Variants in STIP1 observed in about 807,000 individuals in gnomAD.
STIP1 encodes the protein stress induced phosphoprotein 1.
Under a neutral mutation model 77.4 loss-of-function variants are expected in STIP1, and 16 were observed. That is an observed-to-expected ratio of 0.21 (90% confidence interval 0.14 to 0.31). The LOEUF is 0.31. Ranked by LOEUF, STIP1 falls within the 10% of genes least tolerant of loss-of-function variation. STIP1 has a pLI of 1.00. For synonymous variants in STIP1, 258 were observed against 246.6 expected (o/e 1.05, Z -0.44); for missense variants, 524 against 684.8 (o/e 0.77, Z 2.62).
Position 64,204,105 on chromosome 11 carries a change from G to A in STIP1, c.1611G>A (p.Val537=). ...AGAAGATCCAGAAGCTGATGGATGT[G>A]GGTCTGATTGCAATTCGGTGATGAC... The part of the protein sequence containing the change: ...IAQKIQKLMD[V]GLIAIR Residue 537 remains valine, a synonymous_variant, in exon 14 of 14, where the codon GTG becomes GTA. Transcript: ENST00000305218. The A allele has an allele frequency of 6.2e-7, 1 of 1,614,220 alleles. No individual in the cohort carries two copies.
chr11:64,203,914 T>A, intron 13 of STIP1, 140 bp from the exon 14 acceptor site: 1 of 1,022,830 alleles, frequency 9.8e-7, no homozygotes, highest in Non-Finnish European at 1.5e-6. Context: ...AGCAGGCCTC[T>A]GCAGCTCGGC....
chr11:64,187,941 T>G (rs1946044289), intron 1 of STIP1, among the ~76,000 whole-genome samples: 1 of 150,034 alleles, frequency 6.7e-6, no homozygotes, highest in Non-Finnish European at 1.5e-5. Context: ...GGGGGCAGCT[T>G]GCAGTGAGCC....
At chr11:64,189,100 C>A (rs1226862585) in intron 1 of STIP1, among the ~76,000 whole-genome samples, 3 of 152,224 alleles carry the variant, frequency 2.0e-5, no homozygotes, top group Non-Finnish European at 2.9e-5. Flanking sequence ...TGCTGGCTCA[C>A]GCCTGTAATC....
chr11:64,194,893 T>C (rs951701014), intron 4 of STIP1, among the ~76,000 whole-genome samples: 1 of 152,174 alleles, frequency 6.6e-6, no homozygotes, highest in African/African-American at 2.4e-5. Flanking sequence ...ATCCTTTCCA[T>C]CTACTTAGGC....
intron 10 of STIP1, among the ~76,000 whole-genome samples, chr11:64,201,516 G>T (rs1410830170): frequency 6.6e-6 from 1 of 152,176 alleles, no homozygotes; most frequent in Non-Finnish European, 1.5e-5. Flanking sequence ...CAGCCACCCT[G>T]CCTCTATCAG....
At chr11:64,186,063 G>A (rs541196030), upstream of STIP1, 70 of 1,547,282 alleles carry the variant, frequency 4.5e-5, no homozygotes, top group Admixed American at 8.1e-4. Context: ...GAAGGAAGTG[G>A]AGATGATGGG....
intron 1 of STIP1, among the ~76,000 whole-genome samples, chr11:64,192,714 T>C (rs1946106382): frequency 6.6e-6 from 1 of 152,230 alleles, no homozygotes; most frequent in South Asian, 2.1e-4. Context: ...GTGCTCTGTT[T>C]GTCATTTGGA....
Position 64,197,576 on chromosome 11 carries a change from G to C in STIP1, c.883G>C (p.Asp295His). ...TGAAGTGGGGAGAGAAAACCGAGAA[G>C]ACTATCGACAGATTGCCAAGTAGGC... ...AIEVGRENRE[D>H]YRQIAKAYAR... The change falls in exon 7 of 14, where the codon GAC becomes CAC. Residue 295 changes from aspartate to histidine, a missense_variant. Coordinates refer to ENST00000305218, the MANE Select transcript of STIP1 (RefSeq NM_006819.3). The C allele has an allele frequency of 6.2e-7, 1 of 1,614,184 alleles. No homozygotes were observed. Among genetic ancestry groups the C allele is most frequent in the South Asian group, 1.1e-5 (1 of 91,084 alleles).
At position 64,203,294 on chromosome 11, in the gene STIP1, C is replaced by A; in HGVS notation, c.1386+66C>A. ...TTCTCTGTTGGGGCTTTTCCATGTTCAGTCCCTGATTTCTTCCCTGTCACC... is the reference window on the plus strand; with the variant it reads ...TTCTCTGTTGGGGCTTTTCCATGTTAAGTCCCTGATTTCTTCCCTGTCACC... On this transcript the variant is annotated intron_variant, in intron 12 of 13. Coordinates refer to ENST00000305218, the MANE Select transcript of STIP1 (RefSeq NM_006819.3). The A allele has an allele frequency of 2.5e-6, 4 of 1,592,984 alleles. 1 individual carries two copies. In the South Asian group the frequency reaches 3.3e-5, roughly 13 times the overall value.
chr11:64,201,757 T>G (rs1170815355), intron 10 of STIP1, among the ~76,000 whole-genome samples: 1 of 152,224 alleles, frequency 6.6e-6, no homozygotes, highest in East Asian at 1.9e-4. Context: ...TAGCAGGTTG[T>G]CAATCACCTG....
chr11:64,193,792 AAAGG>A (rs1001990656), intron 2 of STIP1, among the ~76,000 whole-genome samples: 1 of 152,150 alleles, frequency 6.6e-6, no homozygotes, highest in Admixed American at 6.5e-5. Context: ...TCTCAAAAAA[AAAGG>A]AAGAGGCCCG....
At chr11:64,202,625 T>C in intron 10 of STIP1, 1 of 546,546 alleles carries the variant, frequency 1.8e-6, no homozygotes, top group Non-Finnish European at 3.3e-6. Context: ...TGTCTAGTTG[T>C]CATGTACTCT....
intron 1 of STIP1, among the ~76,000 whole-genome samples, chr11:64,191,885 C>T (rs1946096452): frequency 6.6e-6 from 1 of 152,124 alleles, no homozygotes; most frequent in Admixed American, 6.6e-5. Context: ...AACAGAGGCA[C>T]ACCTCACTTG....
At chr11:64,202,751 C>T (rs751372651) in intron 10 of STIP1, 125 bp from the exon 11 acceptor site, 1 of 1,041,060 alleles carries the variant, frequency 9.6e-7, no homozygotes. Context: ...GTTGTCTTTC[C>T]TGATGTTGTC....
Position 64,197,500 on chromosome 11 carries a change from C to G in STIP1, c.807C>G (p.Tyr269Ter), listed in dbSNP as rs755943557. Residue 269 changes from tyrosine to a stop codon, truncating the protein, a stop_gained, in exon 7 of 14, where the codon TAC (tyrosine) becomes TAG (stop). Coordinates refer to ENST00000305218, the MANE Select transcript of STIP1 (RefSeq NM_006819.3). LOFTEE classifies it high-confidence loss of function. ...AACCATCCTGCCTGGCAGCGGTATA[C>G]TTTGAAAAGGGCGACTACAATAAGT... ...MTYITNQAAV[Y>*]FEKGDYNKCR... 6.2e-7 allele frequency: 1 copy of G among 1,614,138 alleles called. No homozygotes were observed. The highest frequency in any genetic ancestry group is 8.5e-7 in the Non-Finnish European group (1 of 1,180,042).
At chr11:64,203,695 G>C in intron 13 of STIP1, 73 bp downstream of exon 13, 6 of 1,582,780 alleles carry the variant, frequency 3.8e-6, no homozygotes, top group East Asian at 2.3e-5. Context: ...ACGCGGCTGG[G>C]GGGTGGTATG....
rs1185930163 is a variant in STIP1 at position 64,197,333 on chromosome 11, G to A, written c.735G>A (p.Leu245=). 2 of 1,613,954 alleles carry A rather than the reference G, an allele frequency of 1.2e-6. No individual in the cohort carries two copies. Among genetic ancestry groups the A allele is most frequent in the Admixed American group, 1.7e-5 (1 of 59,958 alleles). The change falls in exon 6 of 14, where the codon TTG becomes TTA. Residue 245 remains leucine, a synonymous_variant. Coordinates refer to ENST00000305218, the MANE Select transcript of STIP1 (RefSeq NM_006819.3). ...AYKKKDFDTA[L]KHYDKAKELD... is the part of the protein sequence containing the mutation. ...AGAAGAAAGACTTTGACACAGCCTT[G>A]AAGCATTACGACAAAGCCAAGGAGC...
intron 11 of STIP1, 34 bp from the exon 12 acceptor site, chr11:64,203,091 C>T (rs186437803): frequency 7.8e-5 from 126 of 1,611,422 alleles, no homozygotes; most frequent in East Asian, 4.2e-4. Context: ...TTGGGCGCTG[C>T]GGTTGGATAA....
In STIP1 at chr11:64,197,347, A is replaced by G. The variant is rs1443743161; in HGVS notation, c.749A>G (p.Lys250Arg). 1.2e-6 allele frequency: 2 copies of G among 1,614,046 alleles called. No individual in the cohort carries two copies. Among genetic ancestry groups the G allele is most frequent in the East Asian group, 2.2e-5 (1 of 44,870 alleles). ...GACACAGCCTTGAAGCATTACGACAAAGCCAAGGAGCTGGACCCCACTAAC... is the reference window on the plus strand; with the variant it reads ...GACACAGCCTTGAAGCATTACGACAGAGCCAAGGAGCTGGACCCCACTAAC... ...DFDTALKHYD[K>R]AKELDPTNMT... The change falls in exon 6 of 14, where the codon AAA becomes AGA. Residue 250 changes from lysine (K) to arginine (R), a missense_variant. By Grantham distance (26) the Lys-to-Arg change is conservative (BLOSUM62 2). Transcript: ENST00000305218.
Sources: allele counts gnomAD v4.1 joint callset (sites outside exome capture counted in the v4.1 genomes callset), GRCh38; gene constraint gnomAD v4.1.1; transcripts MANE v1.5; gene names NCBI Gene and HGNC (gene_info 2026-07-23, HGNC 2026-07-21).